RPS6KC1: variants seen among roughly 807,000 people sequenced by gnomAD.
RPS6KC1 encodes ribosomal protein S6 kinase C1, also known as inactive ribosomal protein S6 kinase delta-1.
In RPS6KC1, 54 loss-of-function variants were observed where a neutral mutation model predicts 103.8. The ratio of observed to expected loss-of-function variants is 0.52; its 90% CI spans 0.42 to 0.65. The LOEUF (loss-of-function observed/expected upper bound fraction) is 0.65. RPS6KC1 is among the 30% of genes least tolerant of loss of function. The pLI is 0.00. For missense variants in RPS6KC1, 1,151 were observed against 1,253.8 expected (o/e 0.92, Z 1.24); for synonymous variants, 439 against 438.7 (o/e 1.00, Z -0.01).
the RPS6KC1 span, among the ~76,000 whole-genome samples, chr1:213,281,700 G>T: frequency 2.0e-5 from 3 of 152,198 alleles, no homozygotes; most frequent in African/African-American, 7.2e-5. Flanking sequence ...GCTATATCCC[G>T]TAGCTTATCT....
the RPS6KC1 span, among the ~76,000 whole-genome samples, chr1:213,793,822 A>C: frequency 6.6e-6 from 1 of 152,174 alleles, no homozygotes; most frequent in Non-Finnish European, 1.5e-5. Flanking sequence ...TGACTAAAGT[A>C]GGACTTTAAA....
At chr1:213,514,636 A>G in the RPS6KC1 span, among the ~76,000 whole-genome samples, 4 of 152,152 alleles carry the variant, frequency 2.6e-5, no homozygotes, top group East Asian at 7.7e-4. Flanking sequence ...TCGTTGTTGG[A>G]CATTTGGCTT....
the RPS6KC1 span, among the ~76,000 whole-genome samples, chr1:213,289,188 C>A: frequency 7.5e-6 from 1 of 133,218 alleles, no homozygotes. Context: ...TTTGAACTAA[C>A]CTTTAGAGCT....
chr1:213,155,669 T>G (rs2089804163), intron 6 of RPS6KC1, among the ~76,000 whole-genome samples: 1 of 152,168 alleles, frequency 6.6e-6, no homozygotes, highest in Non-Finnish European at 1.5e-5. Flanking sequence ...GACTGCTTTT[T>G]TTTTGTATCT....
chr1:213,626,595 A>AT, the RPS6KC1 span, among the ~76,000 whole-genome samples: 1 of 152,288 alleles, frequency 6.6e-6, no homozygotes, highest in South Asian at 2.1e-4. Flanking sequence ...TCTTGAATTA[A>AT]TTTTTGTATA....
chr1:213,609,210 A>C, the RPS6KC1 span, among the ~76,000 whole-genome samples: 1 of 152,254 alleles, frequency 6.6e-6, no homozygotes, highest in Non-Finnish European at 1.5e-5. Context: ...TAAATCCTGC[A>C]AACAAATTGT....
chr1:213,129,505 A>G (rs1417525003), intron 5 of RPS6KC1, 22 bp from the exon 6 acceptor site: 5 of 1,564,212 alleles, frequency 3.2e-6, no homozygotes, highest in Non-Finnish European at 3.5e-6. Context: ...ATATCTGTTT[A>G]CTATTGTGAT....
At chr1:213,307,292 C>T in the RPS6KC1 span, among the ~76,000 whole-genome samples, 139 of 152,132 alleles carry the variant, frequency 9.1e-4, 1 homozygote, top group Non-Finnish European at 1.4e-3. Flanking sequence ...ACCTGATGAT[C>T]CGCCCGCCTC....
In RPS6KC1 at chr1:213,196,087, A is replaced by G. The variant is rs566635732; in HGVS notation, c.1044+19595A>G. 5.9e-4 allele frequency among the ~76,000 whole-genome samples: 90 copies of G among 152,306 alleles called. 3 individuals are homozygous for G. In the South Asian group the frequency reaches 0.018, roughly 31 times the overall value. On this transcript the variant is annotated intron_variant, in intron 8 of 14. Transcript: ENST00000366960. ...TTCGATAATGGTTATACTAGTTTAC[A>G]TTTCCACTAGCAGTGTAGAAGTGTT...
At chr1:213,456,199 T>C in the RPS6KC1 span, among the ~76,000 whole-genome samples, 1 of 152,200 alleles carries the variant, frequency 6.6e-6, no homozygotes, top group South Asian at 2.1e-4. Context: ...GCATGTCTTC[T>C]TGTTGGGCTG....
downstream of RPS6KC1, among the ~76,000 whole-genome samples, chr1:213,279,628 C>T (rs2095118806): frequency 6.6e-6 from 1 of 152,192 alleles, no homozygotes; most frequent in Non-Finnish European, 1.5e-5. Flanking sequence ...GAAGACATTA[C>T]ATCCTGCCAG....
the RPS6KC1 span, among the ~76,000 whole-genome samples, chr1:213,739,413 C>A: frequency 2.4e-4 from 36 of 152,236 alleles, no homozygotes; most frequent in East Asian, 4.4e-3. Context: ...TATACATGGT[C>A]TTTTGACTGT....
At chr1:213,279,581 G>A (rs2149210719), downstream of RPS6KC1, among the ~76,000 whole-genome samples, 1 of 152,160 alleles carries the variant, frequency 6.6e-6, no homozygotes, top group Non-Finnish European at 1.5e-5. Flanking sequence ...TAGTTGGTTT[G>A]CTTTCTATTT....
At chr1:213,431,759 G>A in the RPS6KC1 span, among the ~76,000 whole-genome samples, 2 of 151,882 alleles carry the variant, frequency 1.3e-5, no homozygotes, top group African/African-American at 4.8e-5. Flanking sequence ...GAATAATAGT[G>A]TTATGAACAT....
the RPS6KC1 span, among the ~76,000 whole-genome samples, chr1:213,449,482 T>G: frequency 6.6e-6 from 1 of 152,184 alleles, no homozygotes; most frequent in Non-Finnish European, 1.5e-5. Flanking sequence ...TCTCTCTCTG[T>G]GTGCTCCTAG....
At chr1:213,117,209 A>G (rs1023093249) in intron 4 of RPS6KC1, 108 bp from the exon 5 acceptor site, 1 of 631,624 alleles carries the variant, frequency 1.6e-6, no homozygotes, top group Non-Finnish European at 2.8e-6. Flanking sequence ...AGATTAGTAT[A>G]GTCGTTTCTG....
chr1:213,750,383 A>T, the RPS6KC1 span, among the ~76,000 whole-genome samples: 1 of 152,118 alleles, frequency 6.6e-6, no homozygotes, highest in South Asian at 2.1e-4. Flanking sequence ...CTCTCTGTTG[A>T]CTTACTTTCT....
chr1:213,573,492 C>G, the RPS6KC1 span, among the ~76,000 whole-genome samples: 3,771 of 152,270 alleles, frequency 0.025, 69 homozygotes, highest in Middle Eastern at 0.048. Flanking sequence ...TGTTATAAGT[C>G]ACATGTGATC....
the RPS6KC1 span, among the ~76,000 whole-genome samples, chr1:213,815,199 G>A: frequency 2.7e-4 from 41 of 152,204 alleles, no homozygotes; most frequent in Non-Finnish European, 5.0e-4. Context: ...AGAAGGATGC[G>A]TTTACTTCCC....
Sources: gnomAD v4.1 joint callset for allele counts (sites outside exome capture counted in the v4.1 genomes callset) on GRCh38, gnomAD v4.1.1 for gene constraint, MANE v1.5 for transcripts, NCBI Gene and HGNC (gene_info 2026-07-23, HGNC 2026-07-21) for gene names.